Variants in ERN1 observed in about 807,000 individuals in gnomAD.
ERN1 encodes the protein serine/threonine-protein kinase/endoribonuclease IRE1.
ERN1 carries 39 observed loss-of-function variants against 113.1 expected under a neutral mutation model. The ratio of observed to expected loss-of-function variants is 0.34; its 90% CI spans 0.27 to 0.45. ERN1 has a LOEUF of 0.45. Ranked by LOEUF, ERN1 falls within the 20% of genes least tolerant of loss-of-function variation. The pLI, the probability that ERN1 is intolerant of heterozygous loss-of-function variation, is 1.00. For synonymous variants in ERN1, 507 were observed against 515.9 expected (o/e 0.98, Z 0.23); for missense variants, 976 against 1,274.8 (o/e 0.77, Z 3.57).
At chr17:64,107,324 T>C (rs1259900281) in intron 1 of ERN1, among the ~76,000 whole-genome samples, 2 of 152,310 alleles carry the variant, frequency 1.3e-5, no homozygotes, top group East Asian at 3.9e-4. Context: ...AAAATTTGTT[T>C]TGTTTTGTTT....
At chr17:64,090,163 A>G (rs1338866065) in intron 2 of ERN1, among the ~76,000 whole-genome samples, 1 of 152,020 alleles carries the variant, frequency 6.6e-6, no homozygotes, top group African/African-American at 2.4e-5. Context: ...TTCAGCTTTC[A>G]TGAGGAAAGC....
Position 64,060,528 on chromosome 17 carries a change from G to A in ERN1, c.1147C>T (p.Leu383=), listed in dbSNP as rs1913020103. The change falls in exon 11 of 22, where the codon CTA becomes TTA. Residue 383 remains leucine (L), a synonymous_variant. Transcript: ENST00000433197. ...TKMLERFPNN[L]PKHRENVIPA... ...ATCACATTTTCCCGATGTTTGGGTA[G>A]ATTGTTGGGAAATCTCTCCAGCATC... The A allele has an allele frequency of 6.2e-7, 1 of 1,613,974 alleles. No individual in the cohort carries two copies. Among genetic ancestry groups the A allele is most frequent in the Admixed American group, 1.7e-5 (1 of 60,024 alleles).
chr17:64,086,817 T>C (rs1005471009), intron 2 of ERN1, among the ~76,000 whole-genome samples: 2 of 151,886 alleles, frequency 1.3e-5, no homozygotes, highest in Non-Finnish European at 2.9e-5. Context: ...CAGCTAATTT[T>C]TGTATTTGTA....
intron 12 of ERN1, among the ~76,000 whole-genome samples, chr17:64,057,066 G>A (rs912872369): frequency 3.3e-5 from 5 of 152,146 alleles, no homozygotes; most frequent in African/African-American, 1.2e-4. Context: ...GAAGTAAAGG[G>A]ATGGCCACAC....
chr17:64,081,348 T>C (rs1055277309), intron 2 of ERN1, among the ~76,000 whole-genome samples: 23 of 152,168 alleles, frequency 1.5e-4, no homozygotes, highest in African/African-American at 4.6e-4. Context: ...GGCCCCCCCA[T>C]TGCATTTTTA....
chr17:64,111,990 C>T (rs927378877), intron 1 of ERN1, among the ~76,000 whole-genome samples: 1 of 152,132 alleles, frequency 6.6e-6, no homozygotes, highest in African/African-American at 2.4e-5. Context: ...CATGGGCAGA[C>T]AGCAATAATG....
At chr17:64,111,512 T>C (rs1431564654) in intron 1 of ERN1, among the ~76,000 whole-genome samples, 4 of 152,154 alleles carry the variant, frequency 2.6e-5, no homozygotes, top group East Asian at 3.9e-4. Flanking sequence ...CATGCCACCA[T>C]GCCCAGCTAA....
intron 1 of ERN1, among the ~76,000 whole-genome samples, chr17:64,108,361 T>C (rs1022490213): frequency 2.6e-5 from 4 of 152,230 alleles, no homozygotes; most frequent in African/African-American, 9.7e-5. Flanking sequence ...ATGTTCATGG[T>C]TGCTCTGCCA....
Position 64,044,153 on chromosome 17 carries a change from C to T in ERN1, c.2769G>A (p.Gly923=), listed in dbSNP as rs762681165. 30 of 1,597,650 alleles carry T rather than the reference C, an allele frequency of 1.9e-5. No homozygotes were observed. The highest frequency in any genetic ancestry group is 2.6e-5 in the Non-Finnish European group (30 of 1,169,988). Residue 923 remains glycine (G), a synonymous_variant, in exon 22 of 22, where the codon GGG becomes GGA. Transcript: ENST00000433197. This position sits in a 1 kb window ranked among gnomAD's most constrained non-coding sequence, Gnocchi z 4.1. ...AGCACACGAAGTCGTCGGGGAGGGA[C>T]CCCAGCGTCTCCCGCACCTCTGCAG... ...ELPAEVRETL[G]SLPDDFVCYF... is the part of the protein sequence containing the mutation.
At chr17:64,104,878 A>T (rs1340122757) in intron 1 of ERN1, among the ~76,000 whole-genome samples, 1 of 152,122 alleles carries the variant, frequency 6.6e-6, no homozygotes, top group Non-Finnish European at 1.5e-5. Context: ...CCTCTAAGTC[A>T]ATGGCAAGAT....
At chr17:64,128,002 CCTTT>C (rs1321172245) in intron 1 of ERN1, among the ~76,000 whole-genome samples, 1 of 150,116 alleles carries the variant, frequency 6.7e-6, no homozygotes, top group African/African-American at 2.5e-5. Context: ...GAAATTCTGA[CCTTT>C]CTTTTTTTTT....
intron 4 of ERN1, among the ~76,000 whole-genome samples, chr17:64,075,698 T>C (rs112281457): frequency 2.9e-3 from 441 of 152,368 alleles, no homozygotes; most frequent in Non-Finnish European, 4.9e-3. Flanking sequence ...CAAGGTCTCC[T>C]GTCCAGGGTG....
At chr17:64,051,996 T>C (rs978505447) in intron 17 of ERN1, among the ~76,000 whole-genome samples, 1 of 152,150 alleles carries the variant, frequency 6.6e-6, no homozygotes, top group Non-Finnish European at 1.5e-5. Flanking sequence ...GGTTCAGTAA[T>C]AGGTAAAGAT....
intron 1 of ERN1, among the ~76,000 whole-genome samples, chr17:64,112,788 T>C (rs1046870015): frequency 6.6e-6 from 1 of 152,214 alleles, no homozygotes; most frequent in African/African-American, 2.4e-5. Context: ...CGTCTCTTCA[T>C]CTGTATCCTT....
rs867746372 is a variant in ERN1 at position 64,066,654 on chromosome 17, C to T, written c.842+17G>A. 3.7e-6 allele frequency: 6 copies of T among 1,611,852 alleles called. No homozygotes were observed. The Middle Eastern group carries it at 8.2e-4, about 221-fold the overall frequency. The stretch of plus-strand genomic sequence containing the variant: ...AAGGCCACGGCCGCCCTCTCCTTCC[C>T]CGAGCTCCCAACTCACGTCAGCTTG... On this transcript the variant is annotated intron_variant, in intron 8 of 21. Transcript: ENST00000433197.
At chr17:64,086,129 G>A (rs1490113043) in intron 2 of ERN1, among the ~76,000 whole-genome samples, 2 of 152,050 alleles carry the variant, frequency 1.3e-5, no homozygotes, top group African/African-American at 4.8e-5. Context: ...AAACCTCTTG[G>A]CTCTGCCTGC....
chr17:64,117,699 A>AAGGCCCT (rs1026122116), intron 1 of ERN1, among the ~76,000 whole-genome samples: 3 of 152,112 alleles, frequency 2.0e-5, no homozygotes, highest in African/African-American at 7.2e-5. Flanking sequence ...GTGGTCAGGG[A>AAGGCCCT]AGGCCCTAGG....
rs1030796563 is a variant in ERN1 at position 64,054,553 on chromosome 17, G to A, written c.1764-114C>T. 5 of 1,124,726 alleles carry A rather than the reference G, an allele frequency of 4.4e-6. No homozygotes were observed. In the African/African-American group the frequency reaches 4.7e-5, roughly 11 times the overall value. 69.7% of individuals were successfully genotyped at this position (1,124,726 alleles called of 1,614,324 possible). On this transcript the variant is annotated intron_variant, in intron 14 of 21. Transcript: ENST00000433197. This position sits in a 1 kb window ranked among gnomAD's most constrained non-coding sequence, Gnocchi z 4.9. ...ACTGCCTCCCAGCCTAGAGAGCCCC[G>A]CCTGACTGCCTGGTGGCCCCGGAAT...
intron 1 of ERN1, among the ~76,000 whole-genome samples, chr17:64,127,612 G>T (rs1442714579): frequency 6.6e-6 from 1 of 152,028 alleles, no homozygotes; most frequent in Non-Finnish European, 1.5e-5. Context: ...AAATTAGCCG[G>T]GTGTAGTGGT....
Sources: gnomAD v4.1 joint callset for allele counts (sites outside exome capture counted in the v4.1 genomes callset) on GRCh38, gnomAD v4.1.1 for gene constraint, Gnocchi (gnomAD v3.1) non-coding constraint, MANE v1.5 for transcripts, NCBI Gene and HGNC (gene_info 2026-07-23, HGNC 2026-07-21) for gene names.